LHFPL3: variants seen among roughly 807,000 people sequenced by gnomAD.
LHFPL3 encodes LHFPL tetraspan subfamily member 3, also known as LHFPL tetraspan subfamily member 3 protein.
LHFPL3 carries 5 observed loss-of-function variants against 19.3 expected under a neutral mutation model. The observed-to-expected ratio is 0.26, with a 90% CI of 0.14 to 0.54. The LOEUF (loss-of-function observed/expected upper bound fraction) is 0.54, where lower values mean the gene tolerates loss of function less well. LHFPL3 is among the 20% of genes least tolerant of loss of function. LHFPL3 has a pLI of 0.94. For missense variants in LHFPL3, 249 were observed against 307.4 expected (o/e 0.81, Z 1.42); for synonymous variants, 133 against 126.2 (o/e 1.05, Z -0.36).
intron 1 of LHFPL3, among the ~76,000 whole-genome samples, chr7:104,717,531 G>A (rs186222244): frequency 1.4e-3 from 215 of 152,236 alleles, no homozygotes; most frequent in Non-Finnish European, 2.0e-3. Flanking sequence ...AGACATACAA[G>A]TGGCCAATGG....
chr7:104,837,883 G>A (rs746116662), intron 2 of LHFPL3, among the ~76,000 whole-genome samples: 5 of 152,070 alleles, frequency 3.3e-5, no homozygotes, highest in Admixed American at 2.6e-4. Flanking sequence ...ATTATTAGAC[G>A]TTCAATAAGT....
At chr7:104,736,041 A>G (rs1367763913) in intron 1 of LHFPL3, among the ~76,000 whole-genome samples, 1 of 152,136 alleles carries the variant, frequency 6.6e-6, no homozygotes, top group South Asian at 2.1e-4. Flanking sequence ...TTTTTTGAGG[A>G]TCCTCCATGT....
chr7:104,359,817 G>A (rs1255768469), intron 1 of LHFPL3, among the ~76,000 whole-genome samples: 1 of 152,272 alleles, frequency 6.6e-6, no homozygotes, highest in Non-Finnish European at 1.5e-5. Context: ...CTCCAGTCGG[G>A]CTGGCCTAGC....
chr7:104,657,419 T>A (rs1410101998), intron 1 of LHFPL3, among the ~76,000 whole-genome samples: 1 of 152,266 alleles, frequency 6.6e-6, no homozygotes, highest in African/African-American at 2.4e-5. Context: ...AGGTCACTGG[T>A]TGAAATTCAT....
At chr7:104,401,076 C>T (rs766868879) in intron 1 of LHFPL3, among the ~76,000 whole-genome samples, 2 of 152,184 alleles carry the variant, frequency 1.3e-5, no homozygotes, top group Non-Finnish European at 2.9e-5. Context: ...TAGGCCCTGG[C>T]CCTGGGGGTG....
chr7:104,568,166 C>T (rs769525224), intron 1 of LHFPL3, among the ~76,000 whole-genome samples: 1 of 152,078 alleles, frequency 6.6e-6, no homozygotes, highest in Non-Finnish European at 1.5e-5. Context: ...CTGAGAATCA[C>T]CTGGGGAGAA....
rs190969828 is a variant in LHFPL3, at chr7:104,496,238, C to A, written c.445+167014C>A. Among the ~76,000 whole-genome samples, 1,270 of 152,148 alleles carry A rather than the reference C, an allele frequency of 8.3e-3. 8 individuals carry two copies. Among genetic ancestry groups the A allele is most frequent in the Middle Eastern group, 0.014 (4 of 294 alleles). The stretch of plus-strand genomic sequence containing the variant: ...TGCGGTGTTTGGTTTTTTGTCCTTG[C>A]GATAGTTTGCTGAGAATGATGTTTT... On this transcript the variant is annotated intron_variant, in intron 1 of 2. Coordinates refer to ENST00000424859, the MANE Select transcript of LHFPL3 (RefSeq NM_199000.3).
chr7:104,853,835 A>G (rs1791453923), intron 2 of LHFPL3, among the ~76,000 whole-genome samples: 1 of 152,168 alleles, frequency 6.6e-6, no homozygotes, highest in Non-Finnish European at 1.5e-5. Context: ...CTTTGCCTCT[A>G]TACAATGTTA....
chr7:104,485,286 TA>T (rs11322416), intron 1 of LHFPL3, among the ~76,000 whole-genome samples: 96,833 of 151,674 alleles, frequency 0.64, 31,461 homozygotes, highest in Middle Eastern at 0.72. Context: ...GAGTGTTCTT[TA>T]AAAAAAATCA....
chr7:104,743,797 T>C (rs554925374), intron 2 of LHFPL3, among the ~76,000 whole-genome samples: 1 of 152,300 alleles, frequency 6.6e-6, no homozygotes, highest in South Asian at 2.1e-4. Flanking sequence ...ACTCAAAATT[T>C]CAAGTTCTTT....
chr7:104,674,358 TTC>T (rs1248239871), intron 1 of LHFPL3, among the ~76,000 whole-genome samples: 12 of 150,484 alleles, frequency 8.0e-5, no homozygotes, highest in African/African-American at 2.7e-4. Flanking sequence ...CTTCCTGTTT[TTC>T]TTTTTCTTTT....
intron 1 of LHFPL3, among the ~76,000 whole-genome samples, chr7:104,494,346 T>C (rs368318817): frequency 3.3e-5 from 5 of 152,218 alleles, no homozygotes; most frequent in African/African-American, 1.2e-4. Context: ...TCCACAGATA[T>C]GAATTCTCTG....
chr7:104,624,308 A>C (rs1265886245), intron 1 of LHFPL3, among the ~76,000 whole-genome samples: 1 of 152,244 alleles, frequency 6.6e-6, no homozygotes. Context: ...GTCAATATTG[A>C]GAATCAGAGG....
At position 104,328,689 on chromosome 7, in the gene LHFPL3, C is replaced by A; in HGVS notation, c.-91C>A. 1 of 1,153,726 alleles carries A rather than the reference C, an allele frequency of 8.7e-7. No homozygotes were observed. Among genetic ancestry groups the A allele is most frequent in the Non-Finnish European group, 1.2e-6 (1 of 812,818 alleles). 71.5% of individuals were successfully genotyped at this position (1,153,726 alleles called of 1,614,324 possible). On this transcript the variant is annotated 5_prime_UTR_variant, in exon 1 of 3. Transcript: ENST00000424859. The surrounding 1 kb of genome is among the most constrained non-coding windows in gnomAD (Gnocchi z 4.6). Reference sequence around the variant, plus strand: ...AGGCGGAGGCAGGGGAGTTGCAGCGCGCGAGGCTCCGTGAGTGTGTCTCCT... The same window carrying A: ...AGGCGGAGGCAGGGGAGTTGCAGCGAGCGAGGCTCCGTGAGTGTGTCTCCT...
At position 104,824,829 on chromosome 7, in the gene LHFPL3, A is replaced by C. The variant is rs574224862; in HGVS notation, c.683-81358A>C. 3.5e-3 allele frequency among the ~76,000 whole-genome samples: 444 copies of C among 128,456 alleles called. 14 individuals carry two copies. The highest frequency in any genetic ancestry group is 0.012 in the African/African-American group (411 of 33,744). 84.3% of individuals were successfully genotyped at this position (128,456 alleles called of 152,430 possible). ...AAATATATATAATGATATATTATAT[A>C]ATTATATATTATATATTATCTAATA... On this transcript the variant is annotated intron_variant, in intron 2 of 2. Transcript: ENST00000424859.
intron 1 of LHFPL3, among the ~76,000 whole-genome samples, chr7:104,537,311 C>A (rs1032427911): frequency 6.6e-6 from 1 of 152,202 alleles, no homozygotes; most frequent in Non-Finnish European, 1.5e-5. Flanking sequence ...ATTTCCTCCC[C>A]CTTCTGACAC....
chr7:104,357,415 T>C (rs1245118312), intron 1 of LHFPL3, among the ~76,000 whole-genome samples: 2 of 152,196 alleles, frequency 1.3e-5, no homozygotes, highest in Non-Finnish European at 2.9e-5. Context: ...GTTATTGACC[T>C]GGGGCTTCTG....
intron 1 of LHFPL3, among the ~76,000 whole-genome samples, chr7:104,462,848 G>A (rs922721827): frequency 1.3e-5 from 2 of 152,030 alleles, no homozygotes; most frequent in Admixed American, 6.6e-5. Context: ...ACTAGAATTC[G>A]GCTGTGACTC....
At chr7:104,805,074 A>T (rs984013527) in intron 2 of LHFPL3, among the ~76,000 whole-genome samples, 3 of 152,168 alleles carry the variant, frequency 2.0e-5, no homozygotes, top group African/African-American at 7.2e-5. Context: ...AGGGGCCCCC[A>T]TAGGCTCAGA....
Sources: allele counts gnomAD v4.1 joint callset (sites outside exome capture counted in the v4.1 genomes callset), GRCh38; gene constraint gnomAD v4.1.1; non-coding constraint Gnocchi (gnomAD v3.1); transcripts MANE v1.5; gene names NCBI Gene and HGNC (gene_info 2026-07-23, HGNC 2026-07-21).